Variants in MEI1 observed in about 807,000 individuals in gnomAD.
The protein encoded by MEI1 is meiosis inhibitor protein 1.
MEI1 carries 103 observed loss-of-function variants against 146.2 expected under a neutral mutation model. The ratio of observed to expected loss-of-function variants is 0.70; its 90% CI spans 0.60 to 0.83. MEI1 has a LOEUF of 0.83. MEI1 is among the 40% of genes least tolerant of loss of function. The pLI, the probability that MEI1 is intolerant of heterozygous loss-of-function variation, is 0.00. For missense variants in MEI1, 1,529 were observed against 1,533.0 expected, an observed-to-expected ratio of 1.00 and a Z score of 0.04; for synonymous variants, 652 against 628.2, an observed-to-expected ratio of 1.04 and a Z score of -0.57.
At chr22:41,713,938 C>T in intron 3 of MEI1, 64 bp from the exon 4 acceptor site, 5 of 1,327,248 alleles carry the variant, frequency 3.8e-6, no homozygotes, top group Non-Finnish European at 5.3e-6. Flanking sequence ...AGTAGAAGGG[C>T]CATGGAAGGT....
At chr22:41,776,065 T>C in intron 20 of MEI1, 37 bp from the exon 21 acceptor site, 1 of 1,602,828 alleles carries the variant, frequency 6.2e-7, no homozygotes. Flanking sequence ...CCAACTGCAG[T>C]ACCCTCTGAT....
chr22:41,703,367 G>C lies in MEI1; in HGVS notation c.211G>C (p.Asp71His), dbSNP rs185835285. Residue 71 changes from aspartate to histidine, a missense_variant, in exon 2 of 31, where the codon GAT becomes CAT. Asp to His is a moderately conservative substitution (Grantham distance 81). Coordinates refer to ENST00000401548, the MANE Select transcript of MEI1 (RefSeq NM_152513.4). ...RKKHMLSCFQDALVRHTSLVT... is the reference protein window; with the variant it reads ...RKKHMLSCFQHALVRHTSLVT... Reference sequence around the variant, plus strand: ...GAAGCACATGTTGTCCTGCTTCCAAGATGCCCTTGTGAGGCATACCTCCCT... The same window carrying C: ...GAAGCACATGTTGTCCTGCTTCCAACATGCCCTTGTGAGGCATACCTCCCT... 6.2e-7 allele frequency: 1 copy of C among 1,612,584 alleles called. No homozygotes were observed. Among genetic ancestry groups the C allele is most frequent in the Admixed American group, 1.7e-5 (1 of 59,808 alleles).
chr22:41,740,097 A>C (rs2072732281), intron 11 of MEI1, among the ~76,000 whole-genome samples: 1 of 151,640 alleles, frequency 6.6e-6, no homozygotes, highest in South Asian at 2.1e-4. Context: ...TCGGTTCACC[A>C]CAACCTCCAC....
chr22:41,784,925 T>TTTTATTTATTTATTTA lies in MEI1; in HGVS notation c.3345+155_3345+170dup, dbSNP rs139543. 675 of 327,400 alleles carry TTTTATTTATTTATTTA rather than the reference T, an allele frequency of 2.1e-3. 5 individuals are homozygous for TTTTATTTATTTATTTA. Among genetic ancestry groups the TTTTATTTATTTATTTA allele is most frequent in the African/African-American group, 0.014 (597 of 42,716 alleles). 20.3% of individuals were successfully genotyped at this position (327,400 alleles called of 1,614,324 possible). On this transcript the variant is annotated intron_variant, in intron 26 of 30. Transcript: ENST00000401548. ...AAAAAAATTATTTCTATTATTTTTA[T>TTTTATTTATTTATTTA]TTTATTTATTTATTTATTTATTTAT...
intron 11 of MEI1, among the ~76,000 whole-genome samples, chr22:41,735,289 A>G (rs2072253956): frequency 6.9e-6 from 1 of 145,678 alleles, no homozygotes; most frequent in South Asian, 2.2e-4. Flanking sequence ...TGGAGTGCAA[A>G]GGCATGATCT....
In MEI1 at chr22:41,716,035, C is replaced by T. The variant is rs778359113; in HGVS notation, c.424-6C>T. 3.5e-5 allele frequency: 56 copies of T among 1,599,688 alleles called. No individual in the cohort carries two copies. Among genetic ancestry groups the T allele is most frequent in the Non-Finnish European group, 4.7e-5 (55 of 1,171,980 alleles). ...TGACAGAATGGAGCATATTCACTTTCTGTAGCTGTGTAACATGCCCTCCAT... is the reference window on the plus strand; with the variant it reads ...TGACAGAATGGAGCATATTCACTTTTTGTAGCTGTGTAACATGCCCTCCAT... On this transcript the variant is annotated splice_region_variant and splice_polypyrimidine_tract_variant and intron_variant, in intron 4 of 30. Transcript: ENST00000401548.
chr22:41,758,369 C>T lies in MEI1; in HGVS notation c.1956C>T (p.Leu652=), dbSNP rs373338933. 2 of 1,612,718 alleles carry T rather than the reference C, an allele frequency of 1.2e-6. No individual in the cohort carries two copies. The highest frequency in any genetic ancestry group is 3.3e-5 in the Admixed American group (2 of 59,958). The change falls in exon 18 of 31, where the codon CTC becomes CTT. Residue 652 remains leucine, a synonymous_variant. Coordinates refer to ENST00000401548, the MANE Select transcript of MEI1 (RefSeq NM_152513.4). ...CTCTACTTATTCCCTCCCTAGAACT[C>T]TCTGCAGTGTCTGAGCTCCTGCAGC... The part of the protein sequence containing the change: ...EKTGPPSKEE[L]SAVSELLQHG...
chr22:41,782,571 G>A (rs1159946832), intron 24 of MEI1, among the ~76,000 whole-genome samples: 1 of 152,160 alleles, frequency 6.6e-6, no homozygotes. Flanking sequence ...AGCCTCTGTG[G>A]TATCCTCACA....
At chr22:41,737,427 G>A (rs1242655440) in intron 11 of MEI1, among the ~76,000 whole-genome samples, 1 of 151,982 alleles carries the variant, frequency 6.6e-6, no homozygotes, top group Non-Finnish European at 1.5e-5. Context: ...TTTTAGTAGA[G>A]AAGGGGTTTC....
chr22:41,727,918 C>T (rs970254284), intron 7 of MEI1, among the ~76,000 whole-genome samples: 3 of 152,098 alleles, frequency 2.0e-5, no homozygotes, highest in African/African-American at 7.2e-5. Context: ...ACGTAGGTAT[C>T]CTCTGCTGAG....
chr22:41,731,797 G>C (rs897372825), intron 9 of MEI1, among the ~76,000 whole-genome samples: 3 of 152,196 alleles, frequency 2.0e-5, no homozygotes, highest in African/African-American at 7.2e-5. Context: ...AGAAAAGGGA[G>C]AGAGATGCAA....
At chr22:41,760,583 C>G (rs556825697) in intron 18 of MEI1, among the ~76,000 whole-genome samples, 3 of 152,162 alleles carry the variant, frequency 2.0e-5, no homozygotes, top group Non-Finnish European at 1.5e-5. Flanking sequence ...CAGAACCTCT[C>G]AGACACCGAA....
At chr22:41,760,992 A>C (rs903700512) in intron 18 of MEI1, among the ~76,000 whole-genome samples, 2 of 152,090 alleles carry the variant, frequency 1.3e-5, no homozygotes, top group African/African-American at 4.8e-5. Flanking sequence ...CTGAGTAGAA[A>C]ACAATATAAA....
At chr22:41,701,869 G>A (rs888674639) in intron 1 of MEI1, among the ~76,000 whole-genome samples, 5 of 152,176 alleles carry the variant, frequency 3.3e-5, no homozygotes, top group African/African-American at 1.2e-4. Flanking sequence ...GTATTATAAG[G>A]ATGGGTTTTG....
At position 41,705,541 on chromosome 22, in the gene MEI1, C is replaced by G. The variant is rs1377824121; in HGVS notation, c.336C>G (p.Asp112Glu). 6.2e-7 allele frequency: 1 copy of G among 1,613,240 alleles called. No individual in the cohort carries two copies. The highest frequency in any genetic ancestry group is 1.3e-5 in the African/African-American group (1 of 74,844). Residue 112 changes from aspartate to glutamate, a missense_variant, in exon 3 of 31, where the codon GAC (aspartate) becomes GAG (glutamate). By Grantham distance (45) the Asp-to-Glu change is conservative. This residue lies in a region of MEI1 where 1,212 missense variants were observed against 1,178.9 expected (regional missense o/e 1.03). Coordinates refer to ENST00000401548, the MANE Select transcript of MEI1 (RefSeq NM_152513.4). ...GCATGGAAGATGGGAGTGTGACAGA[C>G]CTCTGTATTGAAGGTAAGTTGAAAC... Reference protein sequence around the residue: ...LCSMEDGSVTDLCIEVLIQIT... With the variant: ...LCSMEDGSVTELCIEVLIQIT...
chr22:41,724,177 G>A, intron 7 of MEI1, 104 bp downstream of exon 7: 1 of 1,414,384 alleles, frequency 7.1e-7, no homozygotes, highest in East Asian at 2.3e-5. Context: ...ATTTCCAAGT[G>A]TTTTCTTACT....
intron 1 of MEI1, 76 bp downstream of exon 1, chr22:41,699,788 G>C: frequency 6.8e-7 from 1 of 1,461,434 alleles, no homozygotes; most frequent in Non-Finnish European, 9.1e-7. Context: ...GCCCTTGCCA[G>C]ACCCGCTCCG....
chr22:41,784,206 G>A, intron 24 of MEI1, 133 bp from the exon 25 acceptor site: 1 of 734,762 alleles, frequency 1.4e-6, no homozygotes, highest in Admixed American at 2.5e-5. Flanking sequence ...GGAGGACTCT[G>A]TGTGGCCTCC....
chr22:41,703,053 A>G (rs74400338), intron 1 of MEI1, among the ~76,000 whole-genome samples: 1,672 of 152,280 alleles, frequency 0.011, 29 homozygotes, highest in African/African-American at 0.039. Flanking sequence ...TGTTAGGCTT[A>G]AATGAGCTGG....
Sources: gnomAD v4.1 joint callset for allele counts (sites outside exome capture counted in the v4.1 genomes callset) on GRCh38, gnomAD v4.1.1 for gene constraint, gnomAD v4.1.1 regional missense constraint, MANE v1.5 for transcripts, NCBI Gene and HGNC (gene_info 2026-07-23, HGNC 2026-07-21) for gene names.